Variants in GPC5 observed in about 807,000 individuals in gnomAD.
GPC5 encodes glypican-5.
GPC5 carries 47 observed loss-of-function variants against 53.9 expected under a neutral mutation model. The observed-to-expected ratio is 0.87, with a 90% confidence interval of 0.69 to 1.11. The LOEUF is 1.11. Among genes scored for constraint, GPC5 ranks in the 50% most tolerant of loss-of-function variants. GPC5 has a pLI of 0.00. For missense variants in GPC5, 748 were observed against 713.1 expected, an observed-to-expected ratio of 1.05 and a Z score of -0.56; for synonymous variants, 286 against 263.3, an observed-to-expected ratio of 1.09 and a Z score of -0.84.
At chr13:91,536,871 T>C (rs561490695) in intron 2 of GPC5, among the ~76,000 whole-genome samples, 65 of 152,264 alleles carry the variant, frequency 4.3e-4, no homozygotes, top group South Asian at 2.3e-3. Flanking sequence ...CACAACATAC[T>C]GAAATTAGAC....
chr13:92,606,832 A>G (rs542694678), intron 7 of GPC5, among the ~76,000 whole-genome samples: 6 of 152,168 alleles, frequency 3.9e-5, no homozygotes, highest in African/African-American at 1.4e-4. Flanking sequence ...CGTCTTGACC[A>G]TGAAGAAATC....
chr13:92,279,912 C>T (rs1279368489), intron 7 of GPC5, among the ~76,000 whole-genome samples: 2 of 151,994 alleles, frequency 1.3e-5, no homozygotes, highest in Non-Finnish European at 2.9e-5. Context: ...CGAATTCTGG[C>T]TTCATAGAAC....
At position 92,225,566 on chromosome 13, in the gene GPC5, A is replaced by T. The variant is rs561992012; in HGVS notation, c.1561+80577A>T. 9.2e-5 allele frequency among the ~76,000 whole-genome samples: 14 copies of T among 152,328 alleles called. No individual in the cohort carries two copies. In the South Asian group the frequency reaches 2.7e-3, roughly 29 times the overall value. ...TTTTATAAATGATTAATGCAGTCCAATAATTGTGATTAATTGACCTGAAAT... is the reference window on the plus strand; with the variant it reads ...TTTTATAAATGATTAATGCAGTCCATTAATTGTGATTAATTGACCTGAAAT... On this transcript the variant is annotated intron_variant, in intron 7 of 7. Coordinates refer to ENST00000377067, the MANE Select transcript of GPC5 (RefSeq NM_004466.6).
chr13:91,473,177 A>G (rs527740994), intron 2 of GPC5, among the ~76,000 whole-genome samples: 1 of 152,236 alleles, frequency 6.6e-6, no homozygotes, highest in East Asian at 1.9e-4. Context: ...CACAAGAACA[A>G]CATGAGGAAA....
chr13:91,725,228 A>G (rs1040463829), intron 3 of GPC5: 2 of 152,304 alleles, frequency 1.3e-5, no homozygotes, highest in African/African-American at 4.8e-5. Flanking sequence ...ACCGGAGTAG[A>G]TAAGCATTAG....
intron 5 of GPC5, among the ~76,000 whole-genome samples, chr13:91,860,452 T>TCCTTCCTTCCTTCCTTCCTG (rs1566308683): frequency 6.8e-6 from 1 of 147,360 alleles, no homozygotes. Flanking sequence ...TATATATCTA[T>TCCTTCCTTCCTTCCTTCCTG]CCTTCCTTCC....
At chr13:91,950,464 C>T (rs2040017113) in intron 6 of GPC5, among the ~76,000 whole-genome samples, 2 of 150,808 alleles carry the variant, frequency 1.3e-5, no homozygotes, top group South Asian at 2.1e-4. Flanking sequence ...TTTTATTACT[C>T]TACCTTCTGT....
At chr13:91,558,713 G>A (rs373793620) in intron 2 of GPC5, among the ~76,000 whole-genome samples, 67 of 152,152 alleles carry the variant, frequency 4.4e-4, no homozygotes, top group African/African-American at 1.6e-3. Flanking sequence ...CGTTGAGACT[G>A]TTGCCGTCCT....
intron 7 of GPC5, among the ~76,000 whole-genome samples, chr13:92,798,308 A>G (rs1184845905): frequency 6.6e-6 from 1 of 151,878 alleles, no homozygotes; most frequent in East Asian, 1.9e-4. Context: ...ACACTCAGCA[A>G]TTCACAATGG....
intron 7 of GPC5, among the ~76,000 whole-genome samples, chr13:92,168,003 A>G (rs968359019): frequency 2.0e-5 from 3 of 152,172 alleles, no homozygotes; most frequent in Non-Finnish European, 2.9e-5. Context: ...GGGCAAGCTT[A>G]CTGGGATAGC....
chr13:92,104,261 T>C (rs1270626728), intron 6 of GPC5, among the ~76,000 whole-genome samples: 2 of 152,186 alleles, frequency 1.3e-5, no homozygotes, highest in Non-Finnish European at 2.9e-5. Context: ...TTTTGAAGGC[T>C]ACCAGGGAGC....
intron 7 of GPC5, among the ~76,000 whole-genome samples, chr13:92,714,388 T>C (rs200225775): frequency 6.6e-6 from 1 of 152,204 alleles, no homozygotes; most frequent in African/African-American, 2.4e-5. Flanking sequence ...CAGATAACCA[T>C]GGATCTTTGG....
intron 6 of GPC5, among the ~76,000 whole-genome samples, chr13:91,949,785 G>C (rs1783377513): frequency 6.6e-6 from 1 of 150,904 alleles, no homozygotes; most frequent in Admixed American, 6.6e-5. Flanking sequence ...TAATGTACCT[G>C]CATTGTAAGC....
intron 2 of GPC5, among the ~76,000 whole-genome samples, chr13:91,465,138 G>C (rs1882159616): frequency 6.6e-6 from 1 of 151,980 alleles, no homozygotes; most frequent in Non-Finnish European, 1.5e-5. Context: ...TTTTTCAACA[G>C]TCTTACTTTT....
At chr13:91,538,936 T>C (rs1464841313) in intron 2 of GPC5, among the ~76,000 whole-genome samples, 3 of 152,046 alleles carry the variant, frequency 2.0e-5, no homozygotes, top group Non-Finnish European at 4.4e-5. Context: ...TATTTTTGTC[T>C]GGTTGGAAAC....
intron 6 of GPC5, among the ~76,000 whole-genome samples, chr13:91,975,587 G>A (rs1381864502): frequency 2.0e-5 from 3 of 152,218 alleles, no homozygotes; most frequent in Admixed American, 1.3e-4. Context: ...TCTCACACCA[G>A]TTAGAAAGGT....
intron 6 of GPC5, among the ~76,000 whole-genome samples, chr13:91,916,583 A>G (rs1394803273): frequency 6.6e-6 from 1 of 152,244 alleles, no homozygotes; most frequent in Non-Finnish European, 1.5e-5. Context: ...ATACTACAAT[A>G]TTGATAAATA....
chr13:92,032,379 C>T (rs142055857), intron 6 of GPC5, among the ~76,000 whole-genome samples: 25 of 151,292 alleles, frequency 1.7e-4, no homozygotes, highest in African/African-American at 5.6e-4. Context: ...TAGAAATCAC[C>T]ACTAAAGAAC....
At chr13:92,618,363 G>A (rs1013651747) in intron 7 of GPC5, among the ~76,000 whole-genome samples, 6 of 152,106 alleles carry the variant, frequency 3.9e-5, no homozygotes, top group African/African-American at 1.4e-4. Context: ...AGGTTAATTT[G>A]ACTTCTGCTC....
Sources: allele counts gnomAD v4.1 joint callset (sites outside exome capture counted in the v4.1 genomes callset), GRCh38; gene constraint gnomAD v4.1.1; transcripts MANE v1.5; gene names NCBI Gene and HGNC (gene_info 2026-07-23, HGNC 2026-07-21).